TTLL5: variants seen among roughly 807,000 people sequenced by gnomAD.
TTLL5 encodes tubulin tyrosine ligase like 5.
TTLL5 carries 132 observed loss-of-function variants against 168.4 expected under a neutral mutation model. The observed-to-expected ratio is 0.78, with a 90% CI of 0.68 to 0.91. The LOEUF (loss-of-function observed/expected upper bound fraction) is 0.91, where lower values mean the gene tolerates loss of function less well. Among genes scored for constraint, TTLL5 ranks in the 40% least tolerant of loss-of-function variants. The probability of loss-of-function intolerance (pLI) is 0.00; values close to 1 mark genes in which losing one functional copy is unlikely to be tolerated. For synonymous variants in TTLL5, 546 were observed against 558.6 expected (o/e 0.98, Z 0.32); for missense variants, 1,545 against 1,581.5 (o/e 0.98, Z 0.39).
chr14:75,798,132 A>G (rs1013536178), intron 27 of TTLL5, among the ~76,000 whole-genome samples: 1 of 151,858 alleles, frequency 6.6e-6, no homozygotes, highest in Non-Finnish European at 1.5e-5. Flanking sequence ...GCTTGCTGTT[A>G]TCTGTTCAGA....
At chr14:75,782,460 G>C in intron 24 of TTLL5, 27 bp from the exon 25 acceptor site, 1 of 1,585,974 alleles carries the variant, frequency 6.3e-7, no homozygotes, top group Non-Finnish European at 8.6e-7. Context: ...TTATAAGAGA[G>C]TCCAAGCTCA....
chr14:75,732,009 T>G (rs1356062591), intron 12 of TTLL5: 1 of 166,494 alleles, frequency 6.0e-6, no homozygotes, highest in Non-Finnish European at 1.3e-5. Flanking sequence ...TCTTTTTTTT[T>G]TTTTTTTTTA....
intron 29 of TTLL5, among the ~76,000 whole-genome samples, chr14:75,875,189 T>C (rs2139999271): frequency 6.7e-6 from 1 of 148,720 alleles, no homozygotes; most frequent in African/African-American, 2.5e-5. Flanking sequence ...TGCCTCAGCC[T>C]CCCAAAGTGC....
chr14:75,954,178 G>A lies in TTLL5; in HGVS notation c.3824-246G>A, dbSNP rs569546059. Among the ~76,000 whole-genome samples the A allele has an allele frequency of 4.8e-4, 71 of 147,876 alleles. No homozygotes were observed. The South Asian group carries it at 0.012, about 24-fold the overall frequency. ...TGAGGCAGGAGAATGGTGTGAACCCGGGAGGCGGAGCTTGCAGTGAGCCGA... is the reference window on the plus strand; with the variant it reads ...TGAGGCAGGAGAATGGTGTGAACCCAGGAGGCGGAGCTTGCAGTGAGCCGA... On this transcript the variant is annotated intron_variant, in intron 31 of 31. Transcript: ENST00000298832.
chr14:75,779,460 G>T (rs970364763), intron 23 of TTLL5, 115 bp from the exon 24 acceptor site: 54 of 1,459,092 alleles, frequency 3.7e-5, no homozygotes, highest in Non-Finnish European at 4.9e-5. Flanking sequence ...GGAATTTTCA[G>T]CTTGTGCTTT....
At chr14:75,696,443 C>A (rs2140149323) in intron 6 of TTLL5, among the ~76,000 whole-genome samples, 1 of 152,162 alleles carries the variant, frequency 6.6e-6, no homozygotes, top group Non-Finnish European at 1.5e-5. Context: ...ATATTAATAG[C>A]CTCTTGCTCA....
intron 31 of TTLL5, among the ~76,000 whole-genome samples, chr14:75,922,491 A>G (rs2033861500): frequency 6.6e-6 from 1 of 152,104 alleles, no homozygotes; most frequent in Non-Finnish European, 1.5e-5. Flanking sequence ...TGAGATAATC[A>G]TGTGGTTTTT....
At chr14:75,735,343 C>T in intron 15 of TTLL5, 54 bp downstream of exon 15, 12 of 1,556,042 alleles carry the variant, frequency 7.7e-6, no homozygotes, top group Non-Finnish European at 1.1e-5. Flanking sequence ...GAAGTGGCGG[C>T]TGATGTAACT....
intron 28 of TTLL5, among the ~76,000 whole-genome samples, chr14:75,858,475 T>C (rs961015703): frequency 6.6e-6 from 1 of 152,256 alleles, no homozygotes; most frequent in Non-Finnish European, 1.5e-5. Context: ...GCAATTCGGC[T>C]GCTTAGTATG....
At chr14:75,681,151 TAAC>T (rs1233003645) in intron 3 of TTLL5, among the ~76,000 whole-genome samples, 1 of 152,338 alleles carries the variant, frequency 6.6e-6, no homozygotes, top group East Asian at 1.9e-4. Context: ...GAAGGTCTAT[TAAC>T]TACTATAATC....
chr14:75,872,841 G>A (rs558570141), intron 29 of TTLL5, among the ~76,000 whole-genome samples: 7 of 151,250 alleles, frequency 4.6e-5, no homozygotes, highest in African/African-American at 1.7e-4. Flanking sequence ...AACCCAGGAG[G>A]CGGAGGTTGC....
chr14:75,950,831 G>A (rs1041734437), intron 31 of TTLL5, among the ~76,000 whole-genome samples: 1 of 152,006 alleles, frequency 6.6e-6, no homozygotes, highest in Admixed American at 6.6e-5. Context: ...ATCCAAACCT[G>A]GTGGCACACG....
At chr14:75,702,620 C>T (rs1456133248) in intron 7 of TTLL5, among the ~76,000 whole-genome samples, 2 of 151,922 alleles carry the variant, frequency 1.3e-5, no homozygotes, top group East Asian at 1.9e-4. Context: ...GAGAACCCTG[C>T]GCCCTAACTC....
At chr14:75,928,586 T>C (rs1403326067) in intron 31 of TTLL5, among the ~76,000 whole-genome samples, 1 of 151,816 alleles carries the variant, frequency 6.6e-6, no homozygotes, top group Admixed American at 6.6e-5. Flanking sequence ...TTTCTCAGCA[T>C]TCTACGATGC....
chr14:75,713,042 C>T (rs1274538188), intron 9 of TTLL5, among the ~76,000 whole-genome samples: 1 of 152,120 alleles, frequency 6.6e-6, no homozygotes, highest in African/African-American at 2.4e-5. Flanking sequence ...AAAGGTCTGT[C>T]GTGAGAACTT....
chr14:75,911,855 A>C (rs1369068623), intron 31 of TTLL5, among the ~76,000 whole-genome samples: 1 of 152,260 alleles, frequency 6.6e-6, no homozygotes, highest in Non-Finnish European at 1.5e-5. Context: ...AAAATTAATC[A>C]TCATCGTACA....
chr14:75,869,638 C>T (rs1220090397), intron 29 of TTLL5, among the ~76,000 whole-genome samples: 1 of 152,004 alleles, frequency 6.6e-6, no homozygotes, highest in Non-Finnish European at 1.5e-5. Context: ...ATAACTTTCT[C>T]TGTGTCACAT....
intron 30 of TTLL5, among the ~76,000 whole-genome samples, chr14:75,899,796 G>A (rs949300436): frequency 2.6e-5 from 4 of 152,102 alleles, no homozygotes; most frequent in African/African-American, 9.7e-5. Context: ...TTCCAGAGAG[G>A]AGAGGGAAAA....
chr14:75,849,951 A>G (rs759113050), intron 28 of TTLL5, among the ~76,000 whole-genome samples: 3 of 152,156 alleles, frequency 2.0e-5, no homozygotes, highest in Non-Finnish European at 2.9e-5. Flanking sequence ...ACAAAAATAC[A>G]AGAAATTAGC....
Sources: gnomAD v4.1 joint callset for allele counts (sites outside exome capture counted in the v4.1 genomes callset) on GRCh38, gnomAD v4.1.1 for gene constraint, MANE v1.5 for transcripts, NCBI Gene and HGNC (gene_info 2026-07-23, HGNC 2026-07-21) for gene names.